The following ELAC1 variants were observed in gnomAD, a reference collection of about 807,000 sequenced individuals.
The protein encoded by ELAC1 is elaC ribonuclease Z 1.
ELAC1 carries 19 observed loss-of-function variants against 25.8 expected under a neutral mutation model. The observed-to-expected ratio is 0.74, with a 90% CI of 0.51 to 1.08. The LOEUF (loss-of-function observed/expected upper bound fraction) is 1.08. Ranked by LOEUF, ELAC1 falls within the 50% of genes least tolerant of loss-of-function variation. The pLI is 0.00. For missense variants in ELAC1, 403 were observed against 434.6 expected (o/e 0.93, Z 0.65); for synonymous variants, 148 against 160.9 (o/e 0.92, Z 0.61).
intron 2 of ELAC1, among the ~76,000 whole-genome samples, chr18:50,975,280 T>A (rs1371935534): frequency 6.6e-6 from 1 of 152,112 alleles, no homozygotes. Context: ...AATCATTTAT[T>A]CTCTGTGTGA....
chr18:50,972,003 T>C (rs1907672812), intron 1 of ELAC1, among the ~76,000 whole-genome samples: 1 of 140,666 alleles, frequency 7.1e-6, no homozygotes, highest in Non-Finnish European at 1.5e-5. Flanking sequence ...TTGCATAAAC[T>C]TTTTTTTTTT....
At chr18:50,980,867 G>C (rs559843973) in intron 2 of ELAC1, among the ~76,000 whole-genome samples, 25 of 151,750 alleles carry the variant, frequency 1.6e-4, no homozygotes, top group African/African-American at 6.0e-4. Flanking sequence ...GATGCCCCTA[G>C]TCTCAAACTG....
chr18:50,969,516 T>C (rs1907592747), intron 1 of ELAC1: 2 of 152,248 alleles, frequency 1.3e-5, no homozygotes, highest in Non-Finnish European at 2.9e-5. Flanking sequence ...AGGGTAACAA[T>C]TGACCAGGGA....
intron 1 of ELAC1, among the ~76,000 whole-genome samples, chr18:50,973,248 C>T (rs1555680977): frequency 1.3e-5 from 2 of 152,134 alleles, no homozygotes; most frequent in Non-Finnish European, 2.9e-5. Flanking sequence ...TCTTAAGCTT[C>T]TTTGTTTTCT....
chr18:50,976,343 A>C (rs775941763), intron 2 of ELAC1, among the ~76,000 whole-genome samples: 6 of 152,210 alleles, frequency 3.9e-5, no homozygotes, highest in Non-Finnish European at 8.8e-5. Context: ...TTATTAAAAC[A>C]ACAACAAAAA....
In ELAC1 at chr18:50,984,399, G is replaced by C. The variant is rs765664790; in HGVS notation, c.461G>C (p.Arg154Thr). 6.2e-6 allele frequency: 10 copies of C among 1,614,158 alleles called. No homozygotes were observed. In the East Asian group the frequency reaches 2.0e-4, roughly 32 times the overall value. ...AGTCCTCCCAAAGAGGAACAAGGAAGAACTATCCTGTTAGACTCAGAAGAA... is the reference window on the plus strand; with the variant it reads ...AGTCCTCCCAAAGAGGAACAAGGAACAACTATCCTGTTAGACTCAGAAGAA... Reference protein sequence around the residue: ...ADSPPKEEQGRTILLDSEENS... With the variant: ...ADSPPKEEQGTTILLDSEENS... Residue 154 changes from arginine to threonine, a missense_variant, in exon 3 of 4, where the codon AGA becomes ACA. Coordinates refer to ENST00000269466, the MANE Select transcript of ELAC1 (RefSeq NM_018696.3).
Position 50,984,283 on chromosome 18 carries a change from C to G in ELAC1, c.345C>G (p.Val115=), listed in dbSNP as rs1908039518. The G allele has an allele frequency of 6.2e-7, 1 of 1,614,050 alleles. No individual in the cohort carries two copies. The highest frequency in any genetic ancestry group is 8.5e-7 in the Non-Finnish European group (1 of 1,180,042). Residue 115 remains valine (V), a synonymous_variant, in exon 3 of 4, where the codon GTC becomes GTG. Transcript: ENST00000269466. ...TGGAACTCTCTCACACGGAGCTGGT[C>G]TTCCATTATGTGGTTCATGAACTGG... ...RTMELSHTEL[V]FHYVVHELVP... is the part of the protein sequence containing the mutation.
At chr18:50,986,011 C>CTTTTTTTTTTTTTTTTTTTTTT (rs34348056) in intron 3 of ELAC1, among the ~76,000 whole-genome samples, 1 of 85,010 alleles carries the variant, frequency 1.2e-5, no homozygotes, top group African/African-American at 4.5e-5. Context: ...TTGATTATAT[C>CTTTTTTTTTTTTTTTTTTTTTT]TTTTTTTTTT....
intron 2 of ELAC1, 22 bp downstream of exon 2, chr18:50,974,583 TC>T (rs747734806): frequency 6.2e-7 from 1 of 1,611,914 alleles, no homozygotes; most frequent in Non-Finnish European, 8.5e-7. Context: ...TTCAGCTATC[TC>T]ATTAAGATTT....
chr18:50,983,154 T>C (rs1907999719), intron 2 of ELAC1, among the ~76,000 whole-genome samples: 1 of 127,770 alleles, frequency 7.8e-6, no homozygotes, highest in African/African-American at 3.3e-5. Context: ...TTTTACTTGG[T>C]GTTTTTTTTT....
intron 2 of ELAC1, among the ~76,000 whole-genome samples, chr18:50,981,862 T>C (rs1159126702): frequency 6.6e-6 from 1 of 150,702 alleles, no homozygotes; most frequent in Non-Finnish European, 1.5e-5. Context: ...TTTTTTTTTT[T>C]TGAGATGGAG....
intron 3 of ELAC1, among the ~76,000 whole-genome samples, chr18:50,985,246 G>A (rs1049323792): frequency 1.3e-5 from 2 of 152,008 alleles, no homozygotes; most frequent in Non-Finnish European, 2.9e-5. Context: ...TGACATCTTC[G>A]GTCTGAGAAT....
At chr18:50,972,169 A>G (rs1173831345) in intron 1 of ELAC1, among the ~76,000 whole-genome samples, 1 of 151,754 alleles carries the variant, frequency 6.6e-6, no homozygotes, top group Non-Finnish European at 1.5e-5. Flanking sequence ...CTTGCCAATA[A>G]GGGCTTCCCA....
chr18:50,983,995 A>T, intron 2 of ELAC1, 101 bp from the exon 3 acceptor site: 2 of 667,440 alleles, frequency 3.0e-6, no homozygotes, highest in Non-Finnish European at 4.8e-6. Flanking sequence ...AATTCAATTT[A>T]CTATTTTTAA....
At chr18:50,971,385 GTCTC>G (rs1907647122) in intron 1 of ELAC1, among the ~76,000 whole-genome samples, 1 of 152,082 alleles carries the variant, frequency 6.6e-6, no homozygotes, top group African/African-American at 2.4e-5. Flanking sequence ...GTGGTAAATG[GTCTC>G]TCTTTTTGTT....
chr18:50,975,911 G>T (rs1241292468), intron 2 of ELAC1, among the ~76,000 whole-genome samples: 2 of 152,174 alleles, frequency 1.3e-5, no homozygotes, highest in Admixed American at 6.5e-5. Context: ...GTTGAGCTAG[G>T]ATCCAAGAGA....
At chr18:50,968,382 G>A (rs1257920316) in intron 1 of ELAC1, 1 of 152,512 alleles carries the variant, frequency 6.6e-6, no homozygotes, top group Non-Finnish European at 1.5e-5. Flanking sequence ...CTCTGGCCCT[G>A]CCTGTGCCTT....
intron 2 of ELAC1, among the ~76,000 whole-genome samples, chr18:50,977,624 C>G (rs532288725): frequency 1.3e-5 from 2 of 152,340 alleles, no homozygotes; most frequent in African/African-American, 4.8e-5. Flanking sequence ...CTCTGACATG[C>G]TCTGGCAACA....
Position 50,974,628 on chromosome 18 carries a change from T to A in ELAC1, c.157+67T>A, listed in dbSNP as rs796531145. On this transcript the variant is annotated intron_variant, in intron 2 of 3. Transcript: ENST00000269466. The stretch of plus-strand genomic sequence containing the variant: ...TTCTGCTTCATTTTCTTGGCTCTCC[T>A]TGGACATTTTGTTTAGAAACAGCCC... The A allele has an allele frequency of 3.3e-6, 5 of 1,493,120 alleles. No homozygotes were observed. The African/African-American group carries it at 4.1e-5, about 12-fold the overall frequency. The allele number at this position is 1,493,120 out of a possible 1,614,324, so 92.5% of individuals were successfully genotyped here. A position where few individuals can be genotyped will look rare whatever the true frequency, so the allele number is the denominator to read the frequency against.
Sources: gnomAD v4.1 joint callset for allele counts (sites outside exome capture counted in the v4.1 genomes callset) on GRCh38, gnomAD v4.1.1 for gene constraint, MANE v1.5 for transcripts, NCBI Gene and HGNC (gene_info 2026-07-23, HGNC 2026-07-21) for gene names.